Variants in FCHO2 observed in about 807,000 individuals in gnomAD.
FCHO2 encodes FCH and mu domain containing endocytic adaptor 2.
In FCHO2, 43 loss-of-function variants were observed where a neutral mutation model predicts 114.1. The ratio of observed to expected loss-of-function variants is 0.38; its 90% CI spans 0.30 to 0.49. The LOEUF is 0.49. Among genes scored for constraint, FCHO2 ranks in the 20% least tolerant of loss-of-function variants. The pLI, the probability that FCHO2 is intolerant of heterozygous loss-of-function variation, is 0.97. For missense variants in FCHO2, 807 were observed against 950.4 expected, an observed-to-expected ratio of 0.85 and a Z score of 1.98; for synonymous variants, 293 against 315.2, an observed-to-expected ratio of 0.93 and a Z score of 0.75.
chr5:73,073,213 C>T (rs1447297349), intron 19 of FCHO2, among the ~76,000 whole-genome samples: 1 of 152,062 alleles, frequency 6.6e-6, no homozygotes, highest in Non-Finnish European at 1.5e-5. Flanking sequence ...ACTTGATTCC[C>T]TGCCAACAGT....
At chr5:73,050,298 T>C (rs62362194) in intron 11 of FCHO2, among the ~76,000 whole-genome samples, 1,569 of 100,690 alleles carry the variant, frequency 0.016, 8 homozygotes, top group East Asian at 0.089. Context: ...TTTCTGCTAT[T>C]TATTTATTTA....
chr5:73,042,804 A>T (rs1010901970), intron 11 of FCHO2, among the ~76,000 whole-genome samples: 2 of 152,242 alleles, frequency 1.3e-5, no homozygotes, highest in African/African-American at 4.8e-5. Flanking sequence ...GTCAATTTTC[A>T]TAAAAAGAAA....
intron 5 of FCHO2, among the ~76,000 whole-genome samples, chr5:73,003,352 A>G (rs1244382909): frequency 6.6e-6 from 1 of 151,834 alleles, no homozygotes; most frequent in Non-Finnish European, 1.5e-5. Flanking sequence ...TTTTTTTAAA[A>G]TTTTTGTAGA....
intron 19 of FCHO2, among the ~76,000 whole-genome samples, chr5:73,070,382 A>G (rs1390513990): frequency 1.3e-5 from 2 of 148,988 alleles, no homozygotes; most frequent in Non-Finnish European, 3.0e-5. Context: ...CCATCTTTTA[A>G]TTTTATATAA....
At chr5:73,019,985 A>G (rs1196553138) in intron 8 of FCHO2, among the ~76,000 whole-genome samples, 5 of 152,200 alleles carry the variant, frequency 3.3e-5, no homozygotes, top group Non-Finnish European at 7.3e-5. Context: ...CAAGATGAGT[A>G]TCTCCACCCA....
At position 73,017,167 on chromosome 5, in the gene FCHO2, A is replaced by G. The variant is rs771060730; in HGVS notation, c.700-45A>G. On this transcript the variant is annotated intron_variant, in intron 7 of 25. Transcript: ENST00000430046. Reference sequence around the variant, plus strand: ...GTGTAAGTTTTATCTGAAATACACTAAGAATGTGGAAAAAGAAAAAGTTAT... The same window carrying G: ...GTGTAAGTTTTATCTGAAATACACTGAGAATGTGGAAAAAGAAAAAGTTAT... The G allele has an allele frequency of 4.5e-6, 5 of 1,115,758 alleles. No individual in the cohort carries two copies. The African/African-American group carries it at 4.8e-5, about 11-fold the overall frequency. 69.1% of individuals were successfully genotyped at this position (1,115,758 alleles called of 1,614,324 possible).
chr5:73,051,427 A>G, intron 12 of FCHO2, 21 bp downstream of exon 12: 1 of 1,460,902 alleles, frequency 6.8e-7, no homozygotes, highest in South Asian at 1.3e-5. Flanking sequence ...ATCATCTAGT[A>G]TTCTTAAGGA....
At chr5:73,010,904 AG>A in intron 6 of FCHO2, among the ~76,000 whole-genome samples, 1 of 144,636 alleles carries the variant, frequency 6.9e-6, no homozygotes, top group African/African-American at 2.5e-5. Context: ...AAAAAAAAAG[AG>A]AGAATGTACT....
chr5:72,976,494 C>T (rs1752888086), intron 2 of FCHO2, among the ~76,000 whole-genome samples: 1 of 152,114 alleles, frequency 6.6e-6, no homozygotes, highest in Non-Finnish European at 1.5e-5. Flanking sequence ...CAGGAGGGAA[C>T]CAGCACACCT....
At chr5:73,052,589 C>A in intron 13 of FCHO2, 82 bp downstream of exon 13, 1 of 1,098,262 alleles carries the variant, frequency 9.1e-7, no homozygotes, top group Non-Finnish European at 1.3e-6. Flanking sequence ...CATTACTTAG[C>A]AATTGTTAAG....
At chr5:72,997,266 A>G in intron 5 of FCHO2, 1 of 1,275,524 alleles carries the variant, frequency 7.8e-7, no homozygotes, top group East Asian at 2.3e-5. Context: ...TTCTTTTTGG[A>G]AGTCGTGAGC....
intron 19 of FCHO2, among the ~76,000 whole-genome samples, chr5:73,072,960 A>C (rs1742730622): frequency 1.3e-5 from 2 of 152,088 alleles, no homozygotes; most frequent in South Asian, 4.1e-4. Context: ...TTTTTCAGAA[A>C]ATATGTTTTC....
chr5:73,033,596 T>G (rs1415342622), intron 8 of FCHO2, among the ~76,000 whole-genome samples: 2 of 152,116 alleles, frequency 1.3e-5, no homozygotes, highest in Non-Finnish European at 2.9e-5. Flanking sequence ...AAGCTCTATT[T>G]TAAAATTTCT....
intron 2 of FCHO2, among the ~76,000 whole-genome samples, chr5:72,983,280 A>G (rs112128665): frequency 3.9e-5 from 6 of 152,186 alleles, no homozygotes; most frequent in South Asian, 2.1e-4. Flanking sequence ...ATAGGTATAC[A>G]TGTGCCGTGG....
At chr5:73,057,708 C>T (rs1757661990) in intron 16 of FCHO2, among the ~76,000 whole-genome samples, 2 of 152,082 alleles carry the variant, frequency 1.3e-5, no homozygotes, top group Admixed American at 6.6e-5. Flanking sequence ...GGATTGGGTG[C>T]TATGTGTGAA....
intron 2 of FCHO2, among the ~76,000 whole-genome samples, chr5:72,987,460 T>C (rs111389191): frequency 0.037 from 5,665 of 152,018 alleles, 333 homozygotes; most frequent in African/African-American, 0.13. Flanking sequence ...GCCTCAGCCT[T>C]CCAAGTAGCT....
rs935689373 is a variant in FCHO2 at position 73,088,713 on chromosome 5, G to A, written c.*623G>A. On this transcript the variant is annotated 3_prime_UTR_variant, in exon 26 of 26. Coordinates refer to ENST00000430046, the MANE Select transcript of FCHO2 (RefSeq NM_138782.3). The stretch of plus-strand genomic sequence containing the variant: ...TTTAAAAAAAATTCTCAAGTGCAAT[G>A]TGTTTTAAAATAAGCTTGCAAATGA... The A allele has an allele frequency of 3.3e-5, 5 of 152,548 alleles. No homozygotes were observed. Among genetic ancestry groups the A allele is most frequent in the Non-Finnish European group, 7.4e-5 (5 of 68,018 alleles). 9.4% of individuals were successfully genotyped at this position (152,548 alleles called of 1,614,324 possible).
At chr5:73,088,017 T>G (rs1743369406) in intron 25 of FCHO2, 51 bp from the exon 26 acceptor site, 1 of 1,609,276 alleles carries the variant, frequency 6.2e-7, no homozygotes, top group African/African-American at 1.3e-5. Flanking sequence ...GAAAATGTCC[T>G]TAGAGTGCAT....
At chr5:73,053,395 T>G (rs896532521) in intron 13 of FCHO2, among the ~76,000 whole-genome samples, 1 of 152,122 alleles carries the variant, frequency 6.6e-6, no homozygotes, top group African/African-American at 2.4e-5. Context: ...CAGAGTTGCT[T>G]AAAAGTTGGT....
Sources: allele counts gnomAD v4.1 joint callset (sites outside exome capture counted in the v4.1 genomes callset), GRCh38; gene constraint gnomAD v4.1.1; transcripts MANE v1.5; gene names NCBI Gene and HGNC (gene_info 2026-07-23, HGNC 2026-07-21).